Variants in TPM1 observed in about 807,000 individuals in gnomAD.
TPM1 encodes tropomyosin alpha-1 chain.
Under a neutral mutation model 42.9 loss-of-function variants are expected in TPM1, and 24 were observed. The ratio of observed to expected loss-of-function variants is 0.56; its 90% CI spans 0.41 to 0.79. TPM1 has a LOEUF of 0.79. Ranked by LOEUF, TPM1 falls within the 30% of genes least tolerant of loss-of-function variation. The probability of loss-of-function intolerance (pLI) is 0.00; values close to 1 mark genes in which losing one functional copy is unlikely to be tolerated. For missense variants in TPM1, 158 were observed against 351.8 expected, an observed-to-expected ratio of 0.45 and a Z score of 4.41; for synonymous variants, 136 against 130.1, an observed-to-expected ratio of 1.05 and a Z score of -0.31.
chr15:63,065,797 TTTCAA>T, intron 9 of TPM1, 94 bp from the exon 10 acceptor site: 1 of 1,443,988 alleles, frequency 6.9e-7, no homozygotes, highest in Admixed American at 2.1e-5. Context: ...CTTGTCTGTG[TTTCAA>T]GTGCTCTCAT....
At position 63,042,786 on chromosome 15, in the gene TPM1, C is replaced by T. The variant is rs748349242; in HGVS notation, c.-44C>T. ...TCCTCCGCCCGACCGCGCGCTCGCC[C>T]CGCCGCTCCTGCTGCAGCCCCAGGG... On this transcript the variant is annotated 5_prime_UTR_variant, in exon 1 of 10. Transcript: ENST00000403994. The T allele has an allele frequency of 7.7e-6, 12 of 1,565,624 alleles. No homozygotes were observed. The highest frequency in any genetic ancestry group is 1.4e-5 in the African/African-American group (1 of 73,818).
downstream of TPM1, among the ~76,000 whole-genome samples, chr15:63,068,827 C>A (rs1167083311): frequency 2.0e-5 from 3 of 152,264 alleles, no homozygotes; most frequent in African/African-American, 7.2e-5. Flanking sequence ...CCATTAGCAC[C>A]ACACATGAAT....
chr15:63,071,046 C>T (rs1370001795), downstream of TPM1: 1 of 1,612,504 alleles, frequency 6.2e-7, no homozygotes, highest in South Asian at 1.1e-5. Context: ...CCATTGTGTC[C>T]AAAGCACAGC....
At chr15:63,053,673 A>ATTTTT (rs397853689) in intron 2 of TPM1, among the ~76,000 whole-genome samples, 6 of 75,108 alleles carry the variant, frequency 8.0e-5, no homozygotes, top group African/African-American at 1.5e-4. Flanking sequence ...TGGAAGTTTG[A>ATTTTT]TTTTTTTTTT....
chr15:63,059,745 A>G lies in TPM1; in HGVS notation c.492+65A>G. The G allele has an allele frequency of 8.4e-6, 10 of 1,192,348 alleles. No homozygotes were observed. The Admixed American group carries it at 1.0e-4, about 12-fold the overall frequency. The allele number at this position is 1,192,348 out of a possible 1,614,324, so 73.9% of individuals were successfully genotyped here. A position where few individuals can be genotyped will look rare whatever the true frequency, so the allele number is the denominator to read the frequency against. ...GTGGCCTTCAGGAAGCCAGGGAGCA[A>G]TGTACAGTCTTGATTCCCGAGTGAG... On this transcript the variant is annotated intron_variant, in intron 4 of 9. Transcript: ENST00000403994.
intron 1 of TPM1, chr15:63,043,554 C>G: frequency 7.1e-6 from 9 of 1,261,512 alleles, no homozygotes; most frequent in Non-Finnish European, 1.0e-5. Context: ...GGTTCCAGCT[C>G]GGGTAAAGAG....
At chr15:63,059,818 C>T in intron 4 of TPM1, 138 bp downstream of exon 4, 6 of 619,702 alleles carry the variant, frequency 9.7e-6, no homozygotes, top group South Asian at 5.9e-5. Context: ...AAGCAGAGTT[C>T]CTTTGTGTCC....
At position 63,043,047 on chromosome 15, in the gene TPM1, A is replaced by T; in HGVS notation, c.114+104A>T. 4.1e-6 allele frequency: 4 copies of T among 979,618 alleles called. No individual in the cohort carries two copies. The South Asian group carries it at 5.6e-5, about 14-fold the overall frequency. 60.7% of individuals were successfully genotyped at this position (979,618 alleles called of 1,614,324 possible). On this transcript the variant is annotated intron_variant, in intron 1 of 9. Coordinates refer to ENST00000403994, the MANE Select transcript of TPM1 (RefSeq NM_001018005.2). ...CGAGGACTCGGGGAGCCACCACCCT[A>T]CCCCCACCACCACCCAGGGCGGCCA...
chr15:63,057,150 CT>C, intron 3 of TPM1, 32 bp downstream of exon 3: 2 of 1,613,232 alleles, frequency 1.2e-6, no homozygotes, highest in Non-Finnish European at 1.7e-6. Flanking sequence ...TCTTTTGCAG[CT>C]GCCTTTCCTG....
At position 63,065,940 on chromosome 15, in the gene TPM1, T is replaced by A; in HGVS notation, c.*41T>A. 1 of 1,608,418 alleles carries A rather than the reference T, an allele frequency of 6.2e-7. No individual in the cohort carries two copies. Among genetic ancestry groups the A allele is most frequent in the Non-Finnish European group, 8.5e-7 (1 of 1,177,296 alleles). On this transcript the variant is annotated 3_prime_UTR_variant, in exon 10 of 10. Coordinates refer to ENST00000403994, the MANE Select transcript of TPM1 (RefSeq NM_001018005.2). ...TTCTCCCAAGACTCCCTCGTCGAGC[T>A]GGATGTCCCACCTCTCTGAGCTCTG...
At chr15:63,043,791 CGGA>C in intron 1 of TPM1, 3 of 1,549,654 alleles carry the variant, frequency 1.9e-6, no homozygotes, top group East Asian at 2.4e-5. Context: ...CTGCACAAGG[CGGA>C]GGACAGCCTC....
chr15:63,071,613 T>C (rs545640344), exon 9 of TPM1: 1 of 214,708 alleles, frequency 4.7e-6, no homozygotes, highest in African/African-American at 2.3e-5. Context: ...CTAATTTATT[T>C]TGTCTTGAGT....
chr15:63,056,527 C>T (rs1055518488), intron 2 of TPM1: 12 of 206,094 alleles, frequency 5.8e-5, no homozygotes, highest in Admixed American at 5.0e-4. Context: ...ATTAGCCGGG[C>T]GTTGTGGCGG....
chr15:63,043,276 A>G, intron 1 of TPM1: 2 of 509,070 alleles, frequency 3.9e-6, no homozygotes, highest in Admixed American at 4.9e-5. Context: ...AGGAAGGGCG[A>G]GGGATGGAGA....
At chr15:63,043,826 G>C in intron 1 of TPM1, 2 of 1,548,642 alleles carry the variant, frequency 1.3e-6, no homozygotes, top group Non-Finnish European at 1.7e-6. Context: ...AGAGGCCGCC[G>C]CCAAGGTACC....
intron 3 of TPM1, 23 bp from the exon 4 acceptor site, chr15:63,059,540 T>G: frequency 6.3e-7 from 1 of 1,594,494 alleles, no homozygotes; most frequent in Non-Finnish European, 8.6e-7. Context: ...ATCTTGGGTT[T>G]TCTTGCTTGT....
chr15:63,043,854 C>T (rs1159445680), intron 1 of TPM1, 173 bp from the exon 2 acceptor site: 2 of 1,548,988 alleles, frequency 1.3e-6, no homozygotes, highest in Non-Finnish European at 1.7e-6. Context: ...CGCGGCACGG[C>T]GTGGCGCACG....
intron 8 of TPM1, chr15:63,063,388 G>A (rs1281143914): frequency 2.0e-6 from 2 of 985,174 alleles, no homozygotes; most frequent in Admixed American, 1.2e-4. Flanking sequence ...GTGCAGCAAA[G>A]TATGAAACCT....
At chr15:63,048,670 A>G (rs876658033) in intron 2 of TPM1, 4 of 1,539,624 alleles carry the variant, frequency 2.6e-6, no homozygotes, top group Admixed American at 4.0e-5. Flanking sequence ...GGCACCCTGC[A>G]GCGCGAGCTG....
Sources: gnomAD v4.1 joint callset for allele counts (sites outside exome capture counted in the v4.1 genomes callset) on GRCh38, gnomAD v4.1.1 for gene constraint, MANE v1.5 for transcripts, NCBI Gene and HGNC (gene_info 2026-07-23, HGNC 2026-07-21) for gene names.